Variants in CD2AP observed in about 807,000 individuals in gnomAD.
CD2AP encodes the protein CD2-associated protein.
Under a neutral mutation model 85.1 loss-of-function variants are expected in CD2AP, and 46 were observed. The observed-to-expected ratio is 0.54, with a 90% confidence interval of 0.43 to 0.69. The LOEUF (loss-of-function observed/expected upper bound fraction) is 0.69. Ranked by LOEUF, CD2AP falls within the 30% of genes least tolerant of loss-of-function variation. The pLI is 0.00. For synonymous variants in CD2AP, 255 were observed against 252.9 expected, an observed-to-expected ratio of 1.01 and a Z score of -0.08; for missense variants, 769 against 729.5, an observed-to-expected ratio of 1.05 and a Z score of -0.62.
At chr6:47,541,067 A>T (rs941739853) in intron 3 of CD2AP, among the ~76,000 whole-genome samples, 6 of 152,166 alleles carry the variant, frequency 3.9e-5, no homozygotes, top group Non-Finnish European at 7.4e-5. Flanking sequence ...AATGTGAAAA[A>T]TTTTACTGTG....
intron 1 of CD2AP, among the ~76,000 whole-genome samples, chr6:47,497,650 G>A (rs935909497): frequency 2.0e-5 from 3 of 152,186 alleles, no homozygotes; most frequent in Admixed American, 2.0e-4. Context: ...CTGGGCTCAA[G>A]AGATCCACCC....
intron 3 of CD2AP, among the ~76,000 whole-genome samples, chr6:47,542,165 T>G (rs1767230807): frequency 1.3e-5 from 2 of 152,236 alleles, no homozygotes; most frequent in African/African-American, 4.8e-5. Flanking sequence ...TTAAATATTT[T>G]ACTCTCATTA....
chr6:47,527,875 T>C (rs865867043), intron 2 of CD2AP, among the ~76,000 whole-genome samples: 2 of 152,176 alleles, frequency 1.3e-5, no homozygotes, highest in Admixed American at 6.5e-5. Flanking sequence ...GAAAATTGGG[T>C]TCACTAGTAA....
intron 2 of CD2AP, among the ~76,000 whole-genome samples, chr6:47,511,737 G>A (rs1036727109): frequency 6.6e-6 from 1 of 152,186 alleles, no homozygotes; most frequent in Non-Finnish European, 1.5e-5. Flanking sequence ...TATCACTTCA[G>A]ATGTGTATGT....
intron 16 of CD2AP, among the ~76,000 whole-genome samples, chr6:47,609,900 C>A (rs566652031): frequency 1.3e-5 from 2 of 152,018 alleles, no homozygotes; most frequent in African/African-American, 4.8e-5. Context: ...GGAAAAATAT[C>A]GTATTTTGGA....
intron 3 of CD2AP, among the ~76,000 whole-genome samples, chr6:47,541,154 T>G (rs1767203717): frequency 6.6e-6 from 1 of 152,200 alleles, no homozygotes; most frequent in African/African-American, 2.4e-5. Flanking sequence ...GACGGAGTCT[T>G]GCTCTGTTGC....
At chr6:47,503,635 T>C (rs1766056105) in intron 2 of CD2AP, among the ~76,000 whole-genome samples, 195 bp downstream of exon 2, 1 of 152,220 alleles carries the variant, frequency 6.6e-6, no homozygotes, top group South Asian at 2.1e-4. Flanking sequence ...TAATCCTCTA[T>C]GTATGTGTTT....
chr6:47,510,262 A>G (rs1427168472), intron 2 of CD2AP, among the ~76,000 whole-genome samples: 1 of 152,226 alleles, frequency 6.6e-6, no homozygotes, highest in East Asian at 1.9e-4. Context: ...GTTAGTGTGC[A>G]TACACAAATA....
intron 1 of CD2AP, among the ~76,000 whole-genome samples, chr6:47,482,971 AGCT>A (rs779559642): frequency 9.2e-5 from 14 of 152,212 alleles, no homozygotes; most frequent in Non-Finnish European, 2.1e-4. Context: ...AATTGGGTGG[AGCT>A]GCAGACCTGT....
At chr6:47,526,798 A>G (rs2114014683) in intron 2 of CD2AP, among the ~76,000 whole-genome samples, 1 of 152,244 alleles carries the variant, frequency 6.6e-6, no homozygotes, top group South Asian at 2.1e-4. Flanking sequence ...AGAAGTGTGA[A>G]TTTTATTTTT....
intron 4 of CD2AP, among the ~76,000 whole-genome samples, chr6:47,550,292 C>T (rs1339823522): frequency 2.0e-5 from 3 of 152,072 alleles, no homozygotes; most frequent in African/African-American, 7.2e-5. Context: ...AGAAAATCTT[C>T]ACAATCTATA....
In CD2AP at chr6:47,606,161, C is replaced by T; in HGVS notation, c.1418-4C>T. ...AGTAAATAATGTTTATTTTTATTTTCTAGATGTTGTAAATTTTGATGACAT... is the reference window on the plus strand; with the variant it reads ...AGTAAATAATGTTTATTTTTATTTTTTAGATGTTGTAAATTTTGATGACAT... On this transcript the variant is annotated splice_polypyrimidine_tract_variant and splice_region_variant and intron_variant, in intron 13 of 17. Transcript: ENST00000359314. The T allele has an allele frequency of 7.0e-7, 1 of 1,430,936 alleles. No individual in the cohort carries two copies. Among genetic ancestry groups the T allele is most frequent in the Non-Finnish European group, 9.9e-7 (1 of 1,013,656 alleles). 88.6% of individuals were successfully genotyped at this position (1,430,936 alleles called of 1,614,324 possible).
chr6:47,594,707 C>A (rs1323326985), intron 11 of CD2AP, among the ~76,000 whole-genome samples: 2 of 151,754 alleles, frequency 1.3e-5, no homozygotes, highest in African/African-American at 2.4e-5. Flanking sequence ...ATCTTGAGGC[C>A]ATATAAAAAT....
At chr6:47,612,659 C>T (rs1582625632) in intron 17 of CD2AP, 123 bp downstream of exon 17, 3 of 704,228 alleles carry the variant, frequency 4.3e-6, no homozygotes, top group Admixed American at 4.1e-5. Flanking sequence ...GACATACACA[C>T]AATGGACTAC....
Position 47,595,956 on chromosome 6 carries a change from C to T in CD2AP, c.1204C>T (p.Leu402=), listed in dbSNP as rs2039503. 1 allele frequency: 1,607,337 copies of T among 1,612,860 alleles called. 801,087 individuals are homozygous for T. The highest frequency in any genetic ancestry group is 1 in the East Asian group (44,814 of 44,814). ...PTPPTKASNL[L]RSSGTVYPKR... ...TCCACCTACCAAAGCCAGTAATTTA[C>T]TGAGATCTTCTGGAACAGTGTACCC... Residue 402 remains leucine (L), a synonymous_variant, in exon 12 of 18, where the codon CTG becomes TTG. Transcript: ENST00000359314.
intron 11 of CD2AP, among the ~76,000 whole-genome samples, chr6:47,591,016 A>G (rs1362027541): frequency 2.0e-5 from 3 of 152,186 alleles, no homozygotes; most frequent in East Asian, 1.9e-4. Context: ...ATTTATAACA[A>G]AGTTTATAAA....
At chr6:47,538,826 A>G (rs941439182) in intron 3 of CD2AP, among the ~76,000 whole-genome samples, 1 of 152,242 alleles carries the variant, frequency 6.6e-6, no homozygotes, top group Non-Finnish European at 1.5e-5. Context: ...CAGACATGAA[A>G]TACCTAACTA....
intron 1 of CD2AP, among the ~76,000 whole-genome samples, chr6:47,482,877 TTAATG>T (rs991302870): frequency 3.9e-5 from 6 of 152,162 alleles, no homozygotes; most frequent in African/African-American, 1.2e-4. Context: ...AATGCTTACT[TTAATG>T]TATATAAAAA....
chr6:47,582,946 C>G (rs1458966789), intron 11 of CD2AP, among the ~76,000 whole-genome samples: 11 of 152,022 alleles, frequency 7.2e-5, no homozygotes, highest in African/African-American at 2.7e-4. Context: ...CCACGCCCGG[C>G]TAATTTTTTG....
Sources: allele counts gnomAD v4.1 joint callset (sites outside exome capture counted in the v4.1 genomes callset), GRCh38; gene constraint gnomAD v4.1.1; transcripts MANE v1.5; gene names NCBI Gene and HGNC (gene_info 2026-07-23, HGNC 2026-07-21).